Variants in TRANK1 observed in about 807,000 individuals in gnomAD.
TRANK1 encodes TPR and ankyrin repeat-containing protein 1.
TRANK1 carries 198 observed loss-of-function variants against 266.0 expected under a neutral mutation model. That is an observed-to-expected ratio of 0.74 (90% CI 0.66 to 0.84). The LOEUF is 0.84. Ranked by LOEUF, TRANK1 falls within the 40% of genes least tolerant of loss-of-function variation. TRANK1 has a pLI of 0.00. For missense variants in TRANK1, 3,326 were observed against 3,634.6 expected, an observed-to-expected ratio of 0.92 and a Z score of 2.18; for synonymous variants, 1,396 against 1,384.1, an observed-to-expected ratio of 1.01 and a Z score of -0.19.
At chr3:36,892,644 C>G (rs2079717949) in intron 6 of TRANK1, among the ~76,000 whole-genome samples, 1 of 152,082 alleles carries the variant, frequency 6.6e-6, no homozygotes, top group South Asian at 2.1e-4. Context: ...GCCAGGCCAA[C>G]ATGGCGAAAC....
At chr3:36,923,720 C>G (rs1224921649) in intron 1 of TRANK1, among the ~76,000 whole-genome samples, 1 of 152,166 alleles carries the variant, frequency 6.6e-6, no homozygotes, top group African/African-American at 2.4e-5. Flanking sequence ...AGAATAGCCT[C>G]TAAGCATGGA....
intron 11 of TRANK1, 74 bp downstream of exon 11, chr3:36,860,832 C>T (rs2079131628): frequency 6.7e-7 from 1 of 1,503,490 alleles, no homozygotes; most frequent in Non-Finnish European, 8.9e-7. Flanking sequence ...AAGGGAAAGG[C>T]AGGCAGTGGC....
chr3:36,924,633 C>T (rs1231665522), intron 1 of TRANK1, among the ~76,000 whole-genome samples: 5 of 152,150 alleles, frequency 3.3e-5, no homozygotes, highest in Admixed American at 2.0e-4. Flanking sequence ...AAAAGAAAGA[C>T]GCAGAGACAA....
chr3:36,933,607 G>T (rs2080388538), intron 1 of TRANK1, among the ~76,000 whole-genome samples: 1 of 152,184 alleles, frequency 6.6e-6, no homozygotes, highest in Non-Finnish European at 1.5e-5. Flanking sequence ...TTCTGGGTGG[G>T]CAGGAAAGAC....
Position 36,831,301 on chromosome 3 carries a change from T to C in TRANK1, c.8282A>G (p.Lys2761Arg). 6.2e-7 allele frequency: 1 copy of C among 1,613,460 alleles called. No homozygotes were observed. The highest frequency in any genetic ancestry group is 8.5e-7 in the Non-Finnish European group (1 of 1,179,864). Residue 2761 changes from lysine to arginine, a missense_variant, in exon 22 of 24, where the codon AAG becomes AGG. Lys to Arg is a conservative substitution (Grantham distance 26). Transcript: ENST00000645898. The surrounding 1 kb of genome is among the most constrained non-coding windows in gnomAD (Gnocchi z 5.0). ...AREPRAGNFK[K>R]ADVDRTQCDL... ...ACACTGGGTCCTGTCCACGTCTGCC[T>C]TTTTGAAGTTCCCAGCCCTGGGCTC...
chr3:36,899,100 C>G lies in TRANK1; in HGVS notation c.433+9G>C, dbSNP rs1017321780. On this transcript the variant is annotated intron_variant, in intron 4 of 23. Coordinates refer to ENST00000645898, the MANE Select transcript of TRANK1 (RefSeq NM_001329998.2). The stretch of plus-strand genomic sequence containing the variant: ...GACTTTACAAAAAGTCTCCCCAGTT[C>G]CAACTTACTGCTCATAGTGGTGAAG... 2.0e-6 allele frequency: 3 copies of G among 1,536,830 alleles called. No individual in the cohort carries two copies. The African/African-American group carries it at 4.1e-5, about 21-fold the overall frequency.
intron 9 of TRANK1, among the ~76,000 whole-genome samples, chr3:36,869,663 C>T (rs1254862734): frequency 6.6e-6 from 1 of 152,230 alleles, no homozygotes; most frequent in Non-Finnish European, 1.5e-5. Context: ...CTTTGATTCT[C>T]CCAGTCTCTT....
At chr3:36,918,109 G>T (rs1358352572) in intron 1 of TRANK1, among the ~76,000 whole-genome samples, 2 of 152,080 alleles carry the variant, frequency 1.3e-5, no homozygotes, top group Non-Finnish European at 2.9e-5. Context: ...ATACAACATG[G>T]ATGAACCTTC....
Position 36,864,366 on chromosome 3 carries a change from T to C in TRANK1, c.1193A>G (p.Lys398Arg), listed in dbSNP as rs1449257168. 2.6e-6 allele frequency: 4 copies of C among 1,536,990 alleles called. No homozygotes were observed. The highest frequency in any genetic ancestry group is 3.5e-6 in the Non-Finnish European group (4 of 1,146,770). ...GNRLLHKNFL[K>R]QEVVQRFLRL... ...CAAGAACCTCTGAACTACTTCCTGCTTCAGAAAGTTTTTATGCAATAACCG... is the reference window on the plus strand; with the variant it reads ...CAAGAACCTCTGAACTACTTCCTGCCTCAGAAAGTTTTTATGCAATAACCG... The change falls in exon 10 of 24, where the codon AAG becomes AGG. Residue 398 changes from lysine to arginine, a missense_variant. Lys to Arg is a conservative substitution (Grantham distance 26). Transcript: ENST00000645898.
chr3:36,846,401 G>A lies in TRANK1; in HGVS notation c.5038C>T (p.Leu1680Phe). 6.2e-7 allele frequency: 1 copy of A among 1,611,582 alleles called. No individual in the cohort carries two copies. ...TACAGCTGCTTCAGCTCTCCGTTGA[G>A]GAGCTAAAGATAACATTGAGGACAA... ...LMVNPEMYKL[L>F]NGELKQLYTA... Residue 1680 changes from leucine (L) to phenylalanine (F), a missense_variant, in exon 17 of 24, where the codon CTC (leucine) becomes TTC (phenylalanine). Physicochemically the swap from Leu to Phe is conservative, Grantham distance 22. Coordinates refer to ENST00000645898, the MANE Select transcript of TRANK1 (RefSeq NM_001329998.2).
intron 1 of TRANK1, among the ~76,000 whole-genome samples, chr3:36,910,804 G>A (rs548566737): frequency 1.4e-4 from 21 of 151,776 alleles, no homozygotes; most frequent in Non-Finnish European, 3.1e-4. Context: ...GCTCATGCCT[G>A]TAATCCCAGC....
At chr3:36,887,572 G>A (rs1260544511) in intron 8 of TRANK1, among the ~76,000 whole-genome samples, 1 of 152,154 alleles carries the variant, frequency 6.6e-6, no homozygotes, top group Non-Finnish European at 1.5e-5. Flanking sequence ...ACACAAATTC[G>A]TAAATTTTCT....
At chr3:36,873,871 C>T (rs2125574343) in intron 9 of TRANK1, among the ~76,000 whole-genome samples, 2 of 146,066 alleles carry the variant, frequency 1.4e-5, no homozygotes, top group Middle Eastern at 7.1e-3. Flanking sequence ...AAAAAAAAAT[C>T]ACCCACACTG....
intron 8 of TRANK1, among the ~76,000 whole-genome samples, chr3:36,878,816 GA>G (rs57378505): frequency 0.33 from 49,475 of 149,002 alleles, 9,137 homozygotes; most frequent in East Asian, 0.57. Context: ...CTCACTAAAA[GA>G]AATCTTTTTA....
In TRANK1 at chr3:36,852,294, G is replaced by T; in HGVS notation, c.4601C>A (p.Pro1534Gln). The change falls in exon 14 of 24, where the codon CCA becomes CAA. Residue 1534 changes from proline to glutamine, a missense_variant. Pro to Gln is a moderately conservative substitution (Grantham distance 76, BLOSUM62 -1). Transcript: ENST00000645898. ...CCTTGGAAGGCGATCAAAAGATTCT[G>T]GGAAATAGAACTGAAGTAAATCCAC... Reference protein sequence around the residue: ...GVVDLLQFYFPESFDRLPRDS... With the variant: ...GVVDLLQFYFQESFDRLPRDS... 6.2e-7 allele frequency: 1 copy of T among 1,609,628 alleles called. No individual in the cohort carries two copies.
chr3:36,833,644 C>T lies in TRANK1; in HGVS notation c.5939G>A (p.Arg1980Lys), dbSNP rs922007247. The T allele has an allele frequency of 8.1e-6, 13 of 1,613,970 alleles. No homozygotes were observed. The highest frequency in any genetic ancestry group is 1.0e-5 in the Non-Finnish European group (12 of 1,179,852). ...CTGGAAGTCCTTGTCGGCAGTGAGC[C>T]TGGCAGCCTCCAGGAGGCAGCCATG... ...KQHGCLLEAA[R>K]LTADKDFQAS... Residue 1980 changes from arginine to lysine, a missense_variant, in exon 22 of 24, where the codon AGG becomes AAG. By Grantham distance (26) the Arg-to-Lys change is conservative. Coordinates refer to ENST00000645898, the MANE Select transcript of TRANK1 (RefSeq NM_001329998.2).
In TRANK1 at chr3:36,851,793, C is replaced by T. The variant is rs1194293863; in HGVS notation, c.4813G>A (p.Val1605Met). ...CCTTTTGCTTCATAAATTGTTAGCA[C>T]AAGTGCTAACCCCAGCTCTTCTGGA... ...KIPEELGLAL[V>M]LTIYEAKGLE... The change falls in exon 15 of 24, where the codon GTG becomes ATG. Residue 1605 changes from valine (V) to methionine (M), a missense_variant. By Grantham distance (21) the Val-to-Met change is conservative. Transcript: ENST00000645898. The T allele has an allele frequency of 1.2e-6, 2 of 1,612,110 alleles. No individual in the cohort carries two copies. The highest frequency in any genetic ancestry group is 1.7e-4 in the Middle Eastern group (1 of 6,060).
intron 1 of TRANK1, among the ~76,000 whole-genome samples, chr3:36,936,016 G>A (rs2080420564): frequency 6.6e-6 from 1 of 152,168 alleles, no homozygotes. Flanking sequence ...GGGAAAAGGT[G>A]TATACAAATT....
rs1417158063 is a variant in TRANK1, at chr3:36,833,613, T to C, written c.5970A>G (p.Ser1990=). The C allele has an allele frequency of 1.9e-6, 3 of 1,613,916 alleles. No individual in the cohort carries two copies. The highest frequency in any genetic ancestry group is 3.3e-5 in the Admixed American group (2 of 60,018). Reference sequence around the variant, plus strand: ...TGAGGCGGGCGGCCCCCAGCAGACATGAGGCCTGGAAGTCCTTGTCGGCAG... The same window carrying C: ...TGAGGCGGGCGGCCCCCAGCAGACACGAGGCCTGGAAGTCCTTGTCGGCAG... ...RLTADKDFQA[S]CLLGAARLNV... is the part of the protein sequence containing the mutation. Residue 1990 remains serine (S), a synonymous_variant, in exon 22 of 24, where the codon TCA becomes TCG. Transcript: ENST00000645898.
Sources: allele counts gnomAD v4.1 joint callset (sites outside exome capture counted in the v4.1 genomes callset), GRCh38; gene constraint gnomAD v4.1.1; non-coding constraint Gnocchi (gnomAD v3.1); transcripts MANE v1.5; gene names NCBI Gene and HGNC (gene_info 2026-07-23, HGNC 2026-07-21).